The following DNMT1 variants were observed in gnomAD, a reference collection of about 807,000 sequenced individuals.
DNMT1 encodes the protein DNA (cytosine-5)-methyltransferase 1.
In DNMT1, 24 loss-of-function variants were observed where a neutral mutation model predicts 205.3. The ratio of observed to expected loss-of-function variants is 0.12; its 90% confidence interval spans 0.08 to 0.16. The LOEUF is 0.16. DNMT1 is among the 10% of genes least tolerant of loss of function. The pLI, the probability that DNMT1 is intolerant of heterozygous loss-of-function variation, is 1.00. For synonymous variants in DNMT1, 817 were observed against 839.8 expected (o/e 0.97, Z 0.47); for missense variants, 1,293 against 2,177.7 (o/e 0.59, Z 8.09).
At chr19:10,149,352 A>T in intron 26 of DNMT1, 101 bp downstream of exon 26, 1 of 1,439,620 alleles carries the variant, frequency 6.9e-7, no homozygotes, top group Non-Finnish European at 9.5e-7. Flanking sequence ...CAAAAAAAAA[A>T]CCAAATTAAA....
intron 13 of DNMT1, 64 bp downstream of exon 13, chr19:10,162,603 C>A (rs1239490030): frequency 1.3e-6 from 2 of 1,517,978 alleles, no homozygotes; most frequent in Non-Finnish European, 1.8e-6. Flanking sequence ...GGCAACATGG[C>A]GAAACCCCGT....
In DNMT1 at chr19:10,154,001, G is replaced by A. The variant is rs2038402780; in HGVS notation, c.2019+292C>T. Among the ~76,000 whole-genome samples, 1 of 152,174 alleles carries A rather than the reference G, an allele frequency of 6.6e-6. No homozygotes were observed. The highest frequency in any genetic ancestry group is 1.5e-5 in the Non-Finnish European group (1 of 68,032). ...ATACCCCTTTAGCAGTCCAACAGGGGCCTTCAGACTGTGAGATGCAGGCAC... is the reference window on the plus strand; with the variant it reads ...ATACCCCTTTAGCAGTCCAACAGGGACCTTCAGACTGTGAGATGCAGGCAC... On this transcript the variant is annotated intron_variant, in intron 22 of 40. Transcript: ENST00000359526. The surrounding 1 kb of genome is among the most constrained non-coding windows in gnomAD (Gnocchi z 6.3).
intron 1 of DNMT1, among the ~76,000 whole-genome samples, chr19:10,192,940 C>T (rs1055964938): frequency 6.6e-6 from 1 of 151,556 alleles, no homozygotes; most frequent in Admixed American, 6.6e-5. Context: ...CCAGCTACTT[C>T]GGAGGCTGAG....
rs1023060562 is a variant in DNMT1, at chr19:10,138,814, A to C, written c.3949-209T>G. 6.6e-6 allele frequency among the ~76,000 whole-genome samples: 1 copy of C among 152,186 alleles called. No individual in the cohort carries two copies. Among genetic ancestry groups the C allele is most frequent in the Non-Finnish European group, 1.5e-5 (1 of 68,028 alleles). ...GAACAAAAGCAGCTGAGCCCAGGGG[A>C]CAGCCACTGGGGAAGGTGGGAGCAA... On this transcript the variant is annotated intron_variant, in intron 34 of 40. Transcript: ENST00000359526. The surrounding 1 kb of genome is among the most constrained non-coding windows in gnomAD (Gnocchi z 4.1).
At chr19:10,136,459 T>C (rs897797001) in intron 37 of DNMT1, among the ~76,000 whole-genome samples, 172 bp from the exon 38 acceptor site, 4 of 152,172 alleles carry the variant, frequency 2.6e-5, no homozygotes, top group Non-Finnish European at 1.5e-5. Context: ...ATTAGTATTA[T>C]ATGTCTCGCT....
chr19:10,171,147 A>G (rs954472147), intron 9 of DNMT1, among the ~76,000 whole-genome samples: 1 of 152,154 alleles, frequency 6.6e-6, no homozygotes, highest in African/African-American at 2.4e-5. Flanking sequence ...ACAGAAAAAA[A>G]AACAGGACCC....
At chr19:10,187,915 G>A (rs2039226000) in intron 1 of DNMT1, among the ~76,000 whole-genome samples, 1 of 152,102 alleles carries the variant, frequency 6.6e-6, no homozygotes, top group Non-Finnish European at 1.5e-5. Context: ...AGCCAAAGCG[G>A]GAGGATCAAT....
Position 10,175,084 on chromosome 19 carries a change from TACACACACACACAC to T in DNMT1, c.648+442_648+455del, listed in dbSNP as rs201133845. ...AAAGAAGTCTAAATACATACATACA[TACACACACACACAC>T]ACACACACACACACACACACACACA... On this transcript the variant is annotated intron_variant, in intron 7 of 40. Coordinates refer to ENST00000359526, the MANE Select transcript of DNMT1 (RefSeq NM_001130823.3). 1.3e-4 allele frequency among the ~76,000 whole-genome samples: 15 copies of T among 113,952 alleles called. No individual in the cohort carries two copies. In the South Asian group the frequency reaches 1.8e-3, roughly 14 times the overall value. The allele number at this position is 113,952 out of a possible 152,430, so 74.8% of individuals were successfully genotyped here.
At chr19:10,182,641 T>TATAC (rs1187543379) in intron 1 of DNMT1, among the ~76,000 whole-genome samples, 2 of 151,442 alleles carry the variant, frequency 1.3e-5, no homozygotes, top group Admixed American at 6.6e-5. Flanking sequence ...CACACACATA[T>TATAC]ATACATACAT....
At chr19:10,166,557 A>G in intron 11 of DNMT1, 41 bp downstream of exon 11, 1 of 1,612,524 alleles carries the variant, frequency 6.2e-7, no homozygotes, top group East Asian at 2.2e-5. Flanking sequence ...ACAGGAGCAG[A>G]AGAATGAGGG....
Position 10,138,664 on chromosome 19 carries a change from C to T in DNMT1, c.3949-59G>A. 1.3e-6 allele frequency: 2 copies of T among 1,564,972 alleles called. No individual in the cohort carries two copies. The highest frequency in any genetic ancestry group is 2.3e-5 in the East Asian group (1 of 43,246). On this transcript the variant is annotated intron_variant, in intron 34 of 40. Coordinates refer to ENST00000359526, the MANE Select transcript of DNMT1 (RefSeq NM_001130823.3). This position sits in a 1 kb window ranked among gnomAD's most constrained non-coding sequence, Gnocchi z 4.1. The stretch of plus-strand genomic sequence containing the variant: ...AGTGGGACACTCCCAACTGGACTGG[C>T]CAGACCCAGGCCCAGGGTCAGCAGC...
intron 6 of DNMT1, among the ~76,000 whole-genome samples, chr19:10,175,858 C>A (rs1410408053): frequency 6.6e-6 from 1 of 152,154 alleles, no homozygotes; most frequent in East Asian, 1.9e-4. Flanking sequence ...GATGGAGGGA[C>A]ACAGCACCAT....
At chr19:10,181,293 T>C (rs2039040973) in intron 2 of DNMT1, among the ~76,000 whole-genome samples, 2 of 151,700 alleles carry the variant, frequency 1.3e-5, no homozygotes, top group African/African-American at 4.8e-5. Context: ...ACAAAAAATA[T>C]TTAAAAATTA....
At chr19:10,134,409 C>A (rs1323686276) in intron 39 of DNMT1, 102 bp from the exon 40 acceptor site, 3 of 1,057,868 alleles carry the variant, frequency 2.8e-6, no homozygotes, top group Non-Finnish European at 4.2e-6. Context: ...ACAACCTGGG[C>A]ATTGCACCCC....
intron 22 of DNMT1, among the ~76,000 whole-genome samples, chr19:10,153,298 G>T (rs1034580552): frequency 6.6e-6 from 1 of 152,102 alleles, no homozygotes; most frequent in African/African-American, 2.4e-5. Flanking sequence ...GAAATAACTA[G>T]ATCTACCAGT....
rs776461147 is a variant in DNMT1 at position 10,142,075 on chromosome 19, C to T, written c.3262G>A (p.Val1088Ile). Residue 1088 changes from valine (V) to isoleucine (I), a missense_variant, in exon 30 of 41, where the codon GTC becomes ATC. Physicochemically the swap from Val to Ile is conservative, Grantham distance 29. This residue lies in a region of DNMT1 where 167 missense variants were observed against 258.1 expected (regional missense o/e 0.65). Coordinates refer to ENST00000359526, the MANE Select transcript of DNMT1 (RefSeq NM_001130823.3). ...GGGCCGCCCATGGAGTACACCTGGA[C>T]GCACTCGGGCAGGTCCTCCCCATAC... Reference protein sequence around the residue: ...VEYGEDLPECVQVYSMGGPNR... With the variant: ...VEYGEDLPECIQVYSMGGPNR... 1.2e-4 allele frequency: 200 copies of T among 1,611,146 alleles called. No homozygotes were observed. Among genetic ancestry groups the T allele is most frequent in the Non-Finnish European group, 1.6e-4 (186 of 1,177,642 alleles).
intron 1 of DNMT1, among the ~76,000 whole-genome samples, chr19:10,185,974 A>G (rs1299279795): frequency 6.6e-6 from 1 of 152,136 alleles, no homozygotes; most frequent in East Asian, 1.9e-4. Flanking sequence ...GGAGGGCTAC[A>G]GAAACTGGTA....
At position 10,173,877 on chromosome 19, in the gene DNMT1, C is replaced by G; in HGVS notation, c.677G>C (p.Arg226Thr). The G allele has an allele frequency of 6.2e-7, 1 of 1,613,932 alleles. No homozygotes were observed. The highest frequency in any genetic ancestry group is 1.1e-5 in the South Asian group (1 of 91,068). The part of the protein sequence containing the change: ...QDEKRRRVTS[R>T]ERVARPLPAE... ...GTATAGTAACTATTCTTACCGTTCT[C>G]TGGATGTAACTCTACGTCTCTTCTC... is the stretch of plus-strand genomic sequence containing the variant. The change falls in exon 8 of 41, where the codon AGA (arginine) becomes ACA (threonine). Residue 226 changes from arginine to threonine, a missense_variant. Arg to Thr is a moderately conservative substitution (Grantham distance 71). Around this residue, in one of 13 missense-constraint regions of DNMT1, gnomAD observed 394 missense variants for 451.6 expected, o/e 0.87. Coordinates refer to ENST00000359526, the MANE Select transcript of DNMT1 (RefSeq NM_001130823.3).
intron 1 of DNMT1, among the ~76,000 whole-genome samples, chr19:10,190,861 C>T (rs905816587): frequency 6.6e-6 from 1 of 151,566 alleles, no homozygotes; most frequent in Admixed American, 6.6e-5. Flanking sequence ...ACCTGTAATC[C>T]CAGCATTTTG....
Sources: allele counts gnomAD v4.1 joint callset (sites outside exome capture counted in the v4.1 genomes callset), GRCh38; gene constraint gnomAD v4.1.1; regional missense constraint gnomAD v4.1.1; non-coding constraint Gnocchi (gnomAD v3.1); transcripts MANE v1.5; gene names NCBI Gene and HGNC (gene_info 2026-07-23, HGNC 2026-07-21).